KIF3C: variants seen among roughly 807,000 people sequenced by gnomAD.
KIF3C encodes kinesin family member 3C.
KIF3C carries 12 observed loss-of-function variants against 67.7 expected under a neutral mutation model. The observed-to-expected ratio is 0.18, with a 90% CI of 0.11 to 0.29. KIF3C has a LOEUF of 0.29. Among genes scored for constraint, KIF3C ranks in the 10% least tolerant of loss-of-function variants. The pLI, the probability that KIF3C is intolerant of heterozygous loss-of-function variation, is 1.00. For synonymous variants in KIF3C, 393 were observed against 426.2 expected, an observed-to-expected ratio of 0.92 and a Z score of 0.96; for missense variants, 789 against 1,059.6, an observed-to-expected ratio of 0.74 and a Z score of 3.55.
intron 1 of KIF3C, among the ~76,000 whole-genome samples, chr2:25,962,788 A>ATATATT (rs1559555076): frequency 1.7e-3 from 147 of 84,068 alleles, no homozygotes; most frequent in Middle Eastern, 5.3e-3. Flanking sequence ...TTATATATAT[A>ATATATT]ATATATATTA....
At chr2:25,974,540 A>G (rs1664362684) in intron 1 of KIF3C, among the ~76,000 whole-genome samples, 1 of 152,112 alleles carries the variant, frequency 6.6e-6, no homozygotes, top group African/African-American at 2.4e-5. Flanking sequence ...CAAAGATACT[A>G]TTACTATCCC....
chr2:25,945,185 G>C (rs1413468944), intron 5 of KIF3C, among the ~76,000 whole-genome samples: 1 of 151,972 alleles, frequency 6.6e-6, no homozygotes, highest in South Asian at 2.1e-4. Flanking sequence ...ATTTAGAAGA[G>C]TTGCCAACAC....
In KIF3C at chr2:25,929,011, A is replaced by C; in HGVS notation, c.2349T>G (p.Ser783=). The C allele has an allele frequency of 1.2e-6, 2 of 1,613,832 alleles. No individual in the cohort carries two copies. Among genetic ancestry groups the C allele is most frequent in the Non-Finnish European group, 1.7e-6 (2 of 1,179,980 alleles). ...GGTCCGCCACTGTTGCAGGGCGCAGAGAAGCAGAGGCCAGGGAGGCATGTG... is the reference window on the plus strand; with the variant it reads ...GGTCCGCCACTGTTGCAGGGCGCAGCGAAGCAGAGGCCAGGGAGGCATGTG... ...STTHASLASA[S]LRPATVADHE is the part of the protein sequence containing the mutation. Residue 783 remains serine (S), a synonymous_variant, in exon 8 of 8, where the codon TCT becomes TCG. Coordinates refer to ENST00000264712, the MANE Select transcript of KIF3C (RefSeq NM_002254.8).
At chr2:25,970,518 A>C (rs928844415) in intron 1 of KIF3C, among the ~76,000 whole-genome samples, 4 of 151,822 alleles carry the variant, frequency 2.6e-5, no homozygotes, top group African/African-American at 7.3e-5. Context: ...AAATACAAAA[A>C]TTAGCCAGGT....
intron 1 of KIF3C, among the ~76,000 whole-genome samples, chr2:25,970,235 C>T (rs536268495): frequency 1.3e-5 from 2 of 152,106 alleles, no homozygotes; most frequent in African/African-American, 2.4e-5. Context: ...GACATGGGCT[C>T]GTAACTCTGG....
At position 25,981,772 on chromosome 2, in the gene KIF3C, G is replaced by C. The variant is rs531575995; in HGVS notation, c.146C>G (p.Ala49Gly). The change falls in exon 1 of 8, where the codon GCC (alanine) becomes GGC (glycine). Residue 49 changes from alanine (A) to glycine (G), a missense_variant. Physicochemically the swap from Ala to Gly is moderately conservative, Grantham distance 60 (BLOSUM62 0). Around this residue, in one of 2 missense-constraint regions of KIF3C, gnomAD observed 141 missense variants for 251.8 expected, o/e 0.56. Coordinates refer to ENST00000264712, the MANE Select transcript of KIF3C (RefSeq NM_002254.8). The surrounding 1 kb of genome is among the most constrained non-coding windows in gnomAD (Gnocchi z 8.2). ...LGQVTLRNPR[A>G]APGELPKTFT... Reference sequence around the variant, plus strand: ...GGTCTTGGGCAGCTCCCCCGGGGCGGCGCGGGGGTTCCGCAGGGTCACCTG... The same window carrying C: ...GGTCTTGGGCAGCTCCCCCGGGGCGCCGCGGGGGTTCCGCAGGGTCACCTG... The C allele has an allele frequency of 3.5e-5, 57 of 1,613,560 alleles. No individual in the cohort carries two copies. In the South Asian group the frequency reaches 6.3e-4, roughly 18 times the overall value.
chr2:25,970,609 G>A (rs1407538829), intron 1 of KIF3C, among the ~76,000 whole-genome samples: 1 of 144,094 alleles, frequency 6.9e-6, no homozygotes, highest in African/African-American at 2.6e-5. Flanking sequence ...GGAGGTTGCA[G>A]TGAGCCGAGG....
chr2:25,970,449 G>C (rs1008133964), intron 1 of KIF3C, among the ~76,000 whole-genome samples: 1 of 150,864 alleles, frequency 6.6e-6, no homozygotes, highest in Non-Finnish European at 1.5e-5. Flanking sequence ...AGGCGGATCA[G>C]CTGAGATCAG....
Position 25,953,816 on chromosome 2 carries a change from C to T in KIF3C, c.1889+451G>A, listed in dbSNP as rs948625542. On this transcript the variant is annotated intron_variant, in intron 4 of 7. Transcript: ENST00000264712. ...CTGAGTAGCTGGGATTACAAGTGCGCGCCACCATGCCCGGCTAATTTTTGT... is the reference window on the plus strand; with the variant it reads ...CTGAGTAGCTGGGATTACAAGTGCGTGCCACCATGCCCGGCTAATTTTTGT... Among the ~76,000 whole-genome samples, 5 of 151,720 alleles carry T rather than the reference C, an allele frequency of 3.3e-5. No homozygotes were observed. The East Asian group carries it at 5.8e-4, about 18-fold the overall frequency.
chr2:25,954,399 G>T lies in KIF3C; in HGVS notation c.1771-14C>A. 2.5e-6 allele frequency: 4 copies of T among 1,604,018 alleles called. No individual in the cohort carries two copies. Among genetic ancestry groups the T allele is most frequent in the Non-Finnish European group, 3.4e-6 (4 of 1,172,232 alleles). ...CTTGGCGTAGAGCTGGGTGGGGACA[G>T]GTGCCACTCAGAGGCTGCTTGGTGT... On this transcript the variant is annotated splice_polypyrimidine_tract_variant and intron_variant, in intron 3 of 7. Coordinates refer to ENST00000264712, the MANE Select transcript of KIF3C (RefSeq NM_002254.8).
chr2:25,951,780 G>C lies in KIF3C; in HGVS notation c.2006+9C>G. 1.3e-6 allele frequency: 2 copies of C among 1,598,736 alleles called. No individual in the cohort carries two copies. Among genetic ancestry groups the C allele is most frequent in the Non-Finnish European group, 1.7e-6 (2 of 1,166,646 alleles). ...TCCCCCAGCCCAGACAGCTGGGTTA[G>C]AGACTCACACGCCGGCTGGCACCAG... is the stretch of plus-strand genomic sequence containing the variant. On this transcript the variant is annotated intron_variant, in intron 5 of 7. Transcript: ENST00000264712.
chr2:25,956,046 T>C (rs1574488791), intron 2 of KIF3C, among the ~76,000 whole-genome samples: 2 of 152,298 alleles, frequency 1.3e-5, no homozygotes, highest in South Asian at 4.2e-4. Context: ...GAAACAGTCA[T>C]ACAGTTGGCA....
chr2:25,932,325 C>CT lies in KIF3C; in HGVS notation c.2007-2263_2007-2262insA, dbSNP rs1559547227. On this transcript the variant is annotated intron_variant, in intron 5 of 7. Transcript: ENST00000264712. Reference sequence around the variant, plus strand: ...GGTAATTTTTAACTTTTAGTAGAGACAGGGGGTTTCACCATCTTGGCCAGG... The same window carrying CT: ...GGTAATTTTTAACTTTTAGTAGAGACTAGGGGGTTTCACCATCTTGGCCAGG... 1.0e-4 allele frequency among the ~76,000 whole-genome samples: 15 copies of CT among 150,608 alleles called. No individual in the cohort carries two copies. In the South Asian group the frequency reaches 3.2e-3, roughly 32 times the overall value.
At position 25,955,499 on chromosome 2, in the gene KIF3C, G is replaced by A; in HGVS notation, c.1770+42C>T. 6.2e-7 allele frequency: 1 copy of A among 1,609,012 alleles called. No homozygotes were observed. Among genetic ancestry groups the A allele is most frequent in the South Asian group, 1.1e-5 (1 of 90,580 alleles). On this transcript the variant is annotated intron_variant, in intron 3 of 7. Transcript: ENST00000264712. This position sits in a 1 kb window ranked among gnomAD's most constrained non-coding sequence, Gnocchi z 5.0. ...CACATCCCTTGGGCAGAGACTGCTG[G>A]GCCTCCAGCACACCTTAACCGGTCC...
At chr2:25,930,506 GCA>G (rs2090450439) in intron 5 of KIF3C, among the ~76,000 whole-genome samples, 1 of 152,014 alleles carries the variant, frequency 6.6e-6, no homozygotes, top group Admixed American at 6.6e-5. Context: ...TTACAGGCAT[GCA>G]CCACCACACC....
In KIF3C at chr2:25,976,748, G is replaced by A. The variant is rs1040344130; in HGVS notation, c.1545+3625C>T. ...GCACTCCAGCCTCAGCAACAAGAAC[G>A]AAACTCCATCTCAAAAAAAAAGTTA... On this transcript the variant is annotated intron_variant, in intron 1 of 7. Transcript: ENST00000264712. Among the ~76,000 whole-genome samples the A allele has an allele frequency of 1.8e-4, 27 of 152,144 alleles. 1 individual carries two copies. The East Asian group carries it at 3.1e-3, about 17-fold the overall frequency.
At position 25,982,433 on chromosome 2, in the gene KIF3C, G is replaced by A; in HGVS notation, c.-516C>T. On this transcript the variant is annotated 5_prime_UTR_variant, in exon 1 of 8. Coordinates refer to ENST00000264712, the MANE Select transcript of KIF3C (RefSeq NM_002254.8). ...TGGGGGATCATTCATTGCAGCCAGC[G>A]CGGCTGCTGCTGCCTCTGCCTCCGC... 5.0e-6 allele frequency: 2 copies of A among 398,696 alleles called. No homozygotes were observed. The highest frequency in any genetic ancestry group is 2.1e-5 in the African/African-American group (1 of 48,762). 24.7% of individuals were successfully genotyped at this position (398,696 alleles called of 1,614,324 possible).
At chr2:25,931,933 T>C (rs1168489778) in intron 5 of KIF3C, among the ~76,000 whole-genome samples, 8 of 70,054 alleles carry the variant, frequency 1.1e-4, no homozygotes, top group Non-Finnish European at 3.2e-4. Flanking sequence ...TGCACCTGGC[T>C]GTTTTTTTTT....
intron 7 of KIF3C, 75 bp downstream of exon 7, chr2:25,929,230 C>G: frequency 6.5e-7 from 1 of 1,538,446 alleles, no homozygotes; most frequent in Non-Finnish European, 9.0e-7. Flanking sequence ...GCAAAACCCT[C>G]TTTAGCATCA....
Sources: allele counts gnomAD v4.1 joint callset (sites outside exome capture counted in the v4.1 genomes callset), GRCh38; gene constraint gnomAD v4.1.1; regional missense constraint gnomAD v4.1.1; non-coding constraint Gnocchi (gnomAD v3.1); transcripts MANE v1.5; gene names NCBI Gene and HGNC (gene_info 2026-07-23, HGNC 2026-07-21).